Variants in ARHGEF26 observed in about 807,000 individuals in gnomAD.
ARHGEF26 encodes the protein Rho guanine nucleotide exchange factor 26.
In ARHGEF26, 59 loss-of-function variants were observed where a neutral mutation model predicts 89.4. The ratio of observed to expected loss-of-function variants is 0.66; its 90% CI spans 0.54 to 0.82. The LOEUF (loss-of-function observed/expected upper bound fraction) is 0.82, where lower values mean the gene tolerates loss of function less well. Ranked by LOEUF, ARHGEF26 falls within the 40% of genes least tolerant of loss-of-function variation. The pLI, the probability that ARHGEF26 is intolerant of heterozygous loss-of-function variation, is 0.00. For synonymous variants in ARHGEF26, 500 were observed against 428.4 expected, an observed-to-expected ratio of 1.17 and a Z score of -2.06; for missense variants, 1,234 against 1,085.6, an observed-to-expected ratio of 1.14 and a Z score of -1.92.
chr3:154,252,035 C>T (rs190194177), intron 12 of ARHGEF26, among the ~76,000 whole-genome samples: 125 of 152,228 alleles, frequency 8.2e-4, no homozygotes, highest in African/African-American at 2.8e-3. Flanking sequence ...TGCTATGTTC[C>T]AATGCGGTAA....
intron 4 of ARHGEF26, among the ~76,000 whole-genome samples, chr3:154,138,565 G>A (rs1441853264): frequency 6.6e-6 from 1 of 152,146 alleles, no homozygotes; most frequent in Non-Finnish European, 1.5e-5. Context: ...TGGGATATGG[G>A]GGTGTGTGCA....
In ARHGEF26 at chr3:154,197,235, C is replaced by A. The variant is rs922932150; in HGVS notation, c.1845+2517C>A. On this transcript the variant is annotated intron_variant, in intron 9 of 14. Transcript: ENST00000465093. ...TGAATATTAGAAATATTCCTTCAGT[C>A]TCCCAGCGTTACAGGGAAACTGAAA... Among the ~76,000 whole-genome samples the A allele has an allele frequency of 4.6e-5, 7 of 152,284 alleles. No homozygotes were observed. In the East Asian group the frequency reaches 1.3e-3, roughly 29 times the overall value.
intron 4 of ARHGEF26, 74 bp downstream of exon 4, chr3:154,129,793 T>C (rs1626280): frequency 1.3e-6 from 2 of 1,496,488 alleles, no homozygotes; most frequent in South Asian, 2.7e-5. Flanking sequence ...GATTTGGCTT[T>C]TGTTCTTTTC....
chr3:154,182,354 G>A (rs187903394), intron 6 of ARHGEF26, among the ~76,000 whole-genome samples: 4 of 152,032 alleles, frequency 2.6e-5, no homozygotes, highest in Non-Finnish European at 5.9e-5. Flanking sequence ...AAAGGGGAGC[G>A]AGAATAGGAG....
intron 6 of ARHGEF26, among the ~76,000 whole-genome samples, chr3:154,153,915 T>G (rs1720172609): frequency 6.6e-6 from 1 of 152,152 alleles, no homozygotes; most frequent in African/African-American, 2.4e-5. Flanking sequence ...CATTTTTATG[T>G]TTTTTCCTTG....
chr3:154,133,251 A>G (rs998834584), intron 4 of ARHGEF26, among the ~76,000 whole-genome samples: 5 of 152,110 alleles, frequency 3.3e-5, no homozygotes, highest in African/African-American at 1.2e-4. Flanking sequence ...ATGCTGGGTA[A>G]GGCAGTGTTC....
chr3:154,138,880 C>A (rs1294629642), intron 4 of ARHGEF26, among the ~76,000 whole-genome samples: 1 of 152,174 alleles, frequency 6.6e-6, no homozygotes, highest in Admixed American at 6.5e-5. Flanking sequence ...TTGTAAACAA[C>A]CTGAATGGCG....
chr3:154,153,378 TATA>T (rs1235339113), intron 6 of ARHGEF26, among the ~76,000 whole-genome samples: 1 of 152,176 alleles, frequency 6.6e-6, no homozygotes, highest in East Asian at 1.9e-4. Flanking sequence ...GATAAAATCA[TATA>T]ATAAACTTTT....
At chr3:154,200,274 A>T (rs1358426286) in intron 9 of ARHGEF26, among the ~76,000 whole-genome samples, 1 of 152,192 alleles carries the variant, frequency 6.6e-6, no homozygotes, top group Non-Finnish European at 1.5e-5. Context: ...ATTCTTCTGC[A>T]TATGGATATT....
intron 6 of ARHGEF26, among the ~76,000 whole-genome samples, chr3:154,178,144 C>T (rs924021114): frequency 6.6e-6 from 1 of 152,074 alleles, no homozygotes; most frequent in Non-Finnish European, 1.5e-5. Context: ...GTGGAGGTTG[C>T]AGTGAGCTGA....
intron 4 of ARHGEF26, among the ~76,000 whole-genome samples, chr3:154,136,855 C>T (rs1284195396): frequency 6.6e-6 from 1 of 152,162 alleles, no homozygotes; most frequent in African/African-American, 2.4e-5. Context: ...TAGATGGTGA[C>T]TAAAACCTTT....
At chr3:154,152,240 A>G (rs1307339665) in intron 5 of ARHGEF26, among the ~76,000 whole-genome samples, 1 of 152,212 alleles carries the variant, frequency 6.6e-6, no homozygotes, top group Non-Finnish European at 1.5e-5. Context: ...CAGTCATACC[A>G]GAATATTTGC....
intron 12 of ARHGEF26, among the ~76,000 whole-genome samples, chr3:154,244,245 T>C (rs892999673): frequency 6.6e-6 from 1 of 152,236 alleles, no homozygotes; most frequent in Non-Finnish European, 1.5e-5. Flanking sequence ...CACCTGAGGA[T>C]ATACAACATG....
intron 4 of ARHGEF26, among the ~76,000 whole-genome samples, chr3:154,132,522 T>C (rs1322332151): frequency 6.6e-6 from 1 of 152,110 alleles, no homozygotes; most frequent in Non-Finnish European, 1.5e-5. Context: ...TAGAAGCTCA[T>C]CTGCTACTAA....
intron 9 of ARHGEF26, among the ~76,000 whole-genome samples, chr3:154,207,122 A>G (rs951529677): frequency 2.0e-4 from 31 of 152,222 alleles, no homozygotes; most frequent in South Asian, 2.1e-4. Flanking sequence ...TAGATTAAAG[A>G]CTTAAATGTA....
At chr3:154,151,310 A>G (rs1720002905) in intron 5 of ARHGEF26, among the ~76,000 whole-genome samples, 1 of 152,226 alleles carries the variant, frequency 6.6e-6, no homozygotes. Context: ...ATTATTTAAA[A>G]TGTTGAATTC....
chr3:154,184,012 G>A (rs917200858), intron 6 of ARHGEF26, among the ~76,000 whole-genome samples: 8 of 144,926 alleles, frequency 5.5e-5, no homozygotes, highest in Admixed American at 7.2e-5. Flanking sequence ...TCGCTCTGTC[G>A]CCCAGGCTAG....
At chr3:154,193,305 G>A (rs563152649) in intron 8 of ARHGEF26, among the ~76,000 whole-genome samples, 1 of 152,286 alleles carries the variant, frequency 6.6e-6, no homozygotes, top group African/African-American at 2.4e-5. Flanking sequence ...GTTCATTTAT[G>A]TGTGCATGTG....
At chr3:154,191,570 C>G (rs1443024131) in intron 8 of ARHGEF26, among the ~76,000 whole-genome samples, 152 bp downstream of exon 8, 2 of 152,188 alleles carry the variant, frequency 1.3e-5, no homozygotes, top group Non-Finnish European at 2.9e-5. Context: ...TTCAGAAAGT[C>G]TCACCTGTAT....
Sources: allele counts gnomAD v4.1 joint callset (sites outside exome capture counted in the v4.1 genomes callset), GRCh38; gene constraint gnomAD v4.1.1; transcripts MANE v1.5; gene names NCBI Gene and HGNC (gene_info 2026-07-23, HGNC 2026-07-21).